CSGALNACT1: variants seen among roughly 807,000 people sequenced by gnomAD.
The protein encoded by CSGALNACT1 is beta4GalNAcT-1.
A neutral mutation model predicts 51.0 loss-of-function variants in CSGALNACT1; 52 were observed. The ratio of observed to expected loss-of-function variants is 1.02; its 90% CI spans 0.82 to 1.29. The LOEUF is 1.29. CSGALNACT1 is among the 50% of genes most tolerant of loss of function. The pLI, the probability that CSGALNACT1 is intolerant of heterozygous loss-of-function variation, is 0.00. For missense variants in CSGALNACT1, 935 were observed against 679.2 expected (o/e 1.38, Z -4.19); for synonymous variants, 341 against 254.4 (o/e 1.34, Z -3.24).
At chr8:19,485,661 G>A (rs1455512351) in intron 4 of CSGALNACT1, among the ~76,000 whole-genome samples, 1 of 149,656 alleles carries the variant, frequency 6.7e-6, no homozygotes, top group East Asian at 2.0e-4. Context: ...AGAGACATCT[G>A]CTTCCTCCAT....
chr8:19,570,848 C>T (rs935403732), intron 3 of CSGALNACT1, among the ~76,000 whole-genome samples: 1 of 152,124 alleles, frequency 6.6e-6, no homozygotes, highest in Admixed American at 6.5e-5. Flanking sequence ...GCACAGGTTG[C>T]AGTGAGCCGA....
chr8:19,637,422 G>A (rs193198629), intron 1 of CSGALNACT1, among the ~76,000 whole-genome samples: 18 of 151,982 alleles, frequency 1.2e-4, no homozygotes, highest in Admixed American at 7.2e-4. Flanking sequence ...TTCTCTTTCC[G>A]GTTTATAATG....
intron 3 of CSGALNACT1, among the ~76,000 whole-genome samples, chr8:19,568,219 G>A (rs531769014): frequency 7.2e-4 from 110 of 152,294 alleles, no homozygotes; most frequent in African/African-American, 2.6e-3. Flanking sequence ...AGATGGTAGA[G>A]CCTACTATAC....
intron 3 of CSGALNACT1, among the ~76,000 whole-genome samples, chr8:19,566,280 A>T (rs888389087): frequency 5.3e-5 from 8 of 152,182 alleles, no homozygotes; most frequent in African/African-American, 1.9e-4. Flanking sequence ...CAGAGACTGG[A>T]ATGATGTGAT....
At chr8:19,498,699 G>A (rs183877379) in intron 4 of CSGALNACT1, among the ~76,000 whole-genome samples, 2 of 152,136 alleles carry the variant, frequency 1.3e-5, no homozygotes, top group Admixed American at 6.5e-5. Context: ...AGCCTTTCCT[G>A]CCCACTCCAG....
At chr8:19,544,265 CCA>C (rs1473740050) in intron 3 of CSGALNACT1, among the ~76,000 whole-genome samples, 26 of 152,102 alleles carry the variant, frequency 1.7e-4, no homozygotes, top group Admixed American at 1.4e-3. Context: ...ACCACTGAGA[CCA>C]CAGTTTTCTT....
rs1374828013 is a variant in CSGALNACT1, at chr8:19,450,360, T to C, written c.851+8066A>G. ...AAGAGTAAGTAGGTTTAAGCCAATATGTGACTGGACAAAAAGGAAACAGAA... is the reference window on the plus strand; with the variant it reads ...AAGAGTAAGTAGGTTTAAGCCAATACGTGACTGGACAAAAAGGAAACAGAA... On this transcript the variant is annotated intron_variant, in intron 5 of 9. Transcript: ENST00000454498. Among the ~76,000 whole-genome samples, 5 of 151,800 alleles carry C rather than the reference T, an allele frequency of 3.3e-5. No homozygotes were observed. In the East Asian group the frequency reaches 7.8e-4, roughly 24 times the overall value.
chr8:19,720,776 T>A (rs1319896128), intron 1 of CSGALNACT1, among the ~76,000 whole-genome samples: 1 of 152,228 alleles, frequency 6.6e-6, no homozygotes, highest in African/African-American at 2.4e-5. Flanking sequence ...TGCTGGCTCA[T>A]GCCCAAGAAT....
chr8:19,712,294 G>A (rs2062557933), intron 1 of CSGALNACT1, among the ~76,000 whole-genome samples: 2 of 151,966 alleles, frequency 1.3e-5, no homozygotes, highest in South Asian at 4.2e-4. Context: ...CAAAGTGCTG[G>A]GATTACAGGC....
At chr8:19,685,891 C>A (rs1314893886), upstream of CSGALNACT1, among the ~76,000 whole-genome samples, 1 of 152,162 alleles carries the variant, frequency 6.6e-6, no homozygotes, top group Non-Finnish European at 1.5e-5. Flanking sequence ...AGCCGTACAA[C>A]CTCAGGCAAA....
chr8:19,537,106 T>C (rs963391172), intron 3 of CSGALNACT1, among the ~76,000 whole-genome samples: 2 of 151,942 alleles, frequency 1.3e-5, no homozygotes, highest in African/African-American at 4.9e-5. Flanking sequence ...AGTATGTCCC[T>C]TCCTTATTAA....
chr8:19,465,904 T>C lies in CSGALNACT1; in HGVS notation c.635-7262A>G, dbSNP rs142665547. 2.9e-4 allele frequency among the ~76,000 whole-genome samples: 44 copies of C among 152,264 alleles called. No individual in the cohort carries two copies. In the South Asian group the frequency reaches 4.1e-3, roughly 14 times the overall value. On this transcript the variant is annotated intron_variant, in intron 4 of 9. Coordinates refer to ENST00000454498, the Ensembl canonical transcript of CSGALNACT1. ...GTCACTTTTCATATGCAGAAGAAGATAACTCAGCACATAGAAAAGAATCCA... is the reference window on the plus strand; with the variant it reads ...GTCACTTTTCATATGCAGAAGAAGACAACTCAGCACATAGAAAAGAATCCA...
At chr8:19,682,585 G>A, upstream of CSGALNACT1, 3 of 453,588 alleles carry the variant, frequency 6.6e-6, no homozygotes, top group South Asian at 3.1e-5. Flanking sequence ...CCTAAGGAGA[G>A]CACTCACTGA....
At chr8:19,538,630 G>C (rs2975491) in intron 3 of CSGALNACT1, among the ~76,000 whole-genome samples, 1 of 152,152 alleles carries the variant, frequency 6.6e-6, no homozygotes, top group Non-Finnish European at 1.5e-5. Flanking sequence ...TAAAGGTTTA[G>C]TTTCTTGAAC....
intron 5 of CSGALNACT1, among the ~76,000 whole-genome samples, chr8:19,441,859 C>A (rs1261576301): frequency 3.3e-5 from 5 of 149,952 alleles, no homozygotes; most frequent in South Asian, 2.1e-4. Context: ...CAATGAACTC[C>A]AACAAATTTA....
chr8:19,640,300 A>G (rs2056590372), intron 1 of CSGALNACT1, among the ~76,000 whole-genome samples: 1 of 152,188 alleles, frequency 6.6e-6, no homozygotes, highest in Admixed American at 6.5e-5. Context: ...ACATGTATGG[A>G]AAATGACTAT....
chr8:19,444,977 C>T (rs1299683339), intron 5 of CSGALNACT1, among the ~76,000 whole-genome samples: 2 of 152,164 alleles, frequency 1.3e-5, no homozygotes, highest in Admixed American at 1.3e-4. Context: ...GCAGGGCTCA[C>T]TCTGGTCACA....
At chr8:19,595,686 C>G (rs972100349) in intron 2 of CSGALNACT1, among the ~76,000 whole-genome samples, 13 of 151,912 alleles carry the variant, frequency 8.6e-5, no homozygotes, top group African/African-American at 3.1e-4. Context: ...GAGGCCAAGG[C>G]AGGACCCTGT....
At chr8:19,462,081 A>G (rs1025335324) in intron 4 of CSGALNACT1, among the ~76,000 whole-genome samples, 7 of 152,198 alleles carry the variant, frequency 4.6e-5, no homozygotes, top group African/African-American at 7.2e-5. Flanking sequence ...CACAGATGGT[A>G]TCTGCACAGC....
Sources: allele counts gnomAD v4.1 joint callset (sites outside exome capture counted in the v4.1 genomes callset), GRCh38; gene constraint gnomAD v4.1.1; transcripts MANE v1.5; gene names NCBI Gene and HGNC (gene_info 2026-07-23, HGNC 2026-07-21).